Variants in DCAF6 observed in about 807,000 individuals in gnomAD.
DCAF6 encodes DDB1 and CUL4 associated factor 6, also known as DDB1- and CUL4-associated factor 6.
A neutral mutation model predicts 125.1 loss-of-function variants in DCAF6; 54 were observed. The ratio of observed to expected loss-of-function variants is 0.43; its 90% CI spans 0.35 to 0.54. DCAF6 has a LOEUF of 0.54. Among genes scored for constraint, DCAF6 ranks in the 20% least tolerant of loss-of-function variants. The pLI is 0.01. For synonymous variants in DCAF6, 371 were observed against 390.4 expected (o/e 0.95, Z 0.58); for missense variants, 934 against 1,161.7 (o/e 0.80, Z 2.85).
At chr1:168,026,553 G>GT (rs943738871) in intron 12 of DCAF6, among the ~76,000 whole-genome samples, 1 of 152,144 alleles carries the variant, frequency 6.6e-6, no homozygotes, top group Non-Finnish European at 1.5e-5. Flanking sequence ...TTTAAAAATA[G>GT]TTGAAAGGTT....
At chr1:167,903,830 A>G in the DCAF6 span, 3 of 1,292,834 alleles carry the variant, frequency 2.3e-6, no homozygotes, top group Middle Eastern at 1.8e-4. Context: ...ATTGACAACT[A>G]CGGAAAAAAC....
chr1:167,904,669 A>G, the DCAF6 span: 4 of 589,130 alleles, frequency 6.8e-6, no homozygotes, highest in African/African-American at 1.9e-5. Context: ...TCATTTCCTG[A>G]GGTCAATTTT....
chr1:168,015,349 T>C (rs1216006428), intron 10 of DCAF6, among the ~76,000 whole-genome samples: 2 of 152,114 alleles, frequency 1.3e-5, no homozygotes, highest in Non-Finnish European at 2.9e-5. Flanking sequence ...AATGCATAAG[T>C]TTTTATCCTT....
intron 17 of DCAF6, among the ~76,000 whole-genome samples, chr1:168,055,674 C>T (rs2101892744): frequency 9.5e-6 from 1 of 105,656 alleles, no homozygotes; most frequent in Non-Finnish European, 1.8e-5. Context: ...AACACTAGAG[C>T]CTAGTCTAAA....
chr1:167,936,653 G>A (rs1304808781), upstream of DCAF6: 4 of 414,774 alleles, frequency 9.6e-6, no homozygotes, highest in Admixed American at 1.8e-4. Context: ...GTTGGAGGGG[G>A]GCTGAGGGAG....
intron 21 of DCAF6, among the ~76,000 whole-genome samples, chr1:168,073,613 C>T (rs1001218844): frequency 3.9e-5 from 6 of 152,044 alleles, no homozygotes; most frequent in Non-Finnish European, 7.4e-5. Context: ...TCTCTATTAT[C>T]CCATCTTCTT....
chr1:167,951,182 CAGAG>C (rs1265725894), intron 1 of DCAF6, among the ~76,000 whole-genome samples: 3 of 152,164 alleles, frequency 2.0e-5, no homozygotes, highest in Admixed American at 2.0e-4. Flanking sequence ...TTACCTGACA[CAGAG>C]TGAGTACTCA....
intron 10 of DCAF6, among the ~76,000 whole-genome samples, chr1:168,009,397 T>TTCTC (rs1233290096): frequency 1.4e-5 from 2 of 140,536 alleles, no homozygotes; most frequent in African/African-American, 6.0e-5. Context: ...CTTTCTTTCT[T>TTCTC]TCTTTCTCTC....
At chr1:168,045,852 T>C (rs1425134314) in intron 16 of DCAF6, among the ~76,000 whole-genome samples, 1 of 152,144 alleles carries the variant, frequency 6.6e-6, no homozygotes, top group South Asian at 2.1e-4. Context: ...AATAAATTTT[T>C]AAAGTATACT....
intron 6 of DCAF6, among the ~76,000 whole-genome samples, 160 bp downstream of exon 6, chr1:167,991,499 A>C (rs1212168543): frequency 6.6e-6 from 1 of 152,242 alleles, no homozygotes; most frequent in Non-Finnish European, 1.5e-5. Context: ...CCAAGTGTTT[A>C]TGACCCTTTG....
At chr1:168,047,724 A>G (rs751863389) in intron 16 of DCAF6, among the ~76,000 whole-genome samples, 12 of 152,048 alleles carry the variant, frequency 7.9e-5, no homozygotes, top group Non-Finnish European at 1.3e-4. Flanking sequence ...GTATATATAT[A>G]TAAAAGATGT....
intron 12 of DCAF6, among the ~76,000 whole-genome samples, chr1:168,026,121 C>T (rs943665303): frequency 6.6e-6 from 1 of 152,166 alleles, no homozygotes; most frequent in Non-Finnish European, 1.5e-5. Context: ...TCTAGTAAGT[C>T]TCCTCTTTTT....
the DCAF6 span, among the ~76,000 whole-genome samples, chr1:167,886,570 TG>T: frequency 6.6e-6 from 1 of 152,162 alleles, no homozygotes; most frequent in African/African-American, 2.4e-5. Context: ...AAGACTTAAA[TG>T]TTAGACCTAA....
chr1:168,021,384 C>T (rs1458295321), intron 11 of DCAF6, among the ~76,000 whole-genome samples: 1 of 152,010 alleles, frequency 6.6e-6, no homozygotes, highest in Non-Finnish European at 1.5e-5. Flanking sequence ...CTGTGAGTCA[C>T]ATTTTTCTTG....
At chr1:168,039,681 TTAA>T (rs1022494252) in intron 13 of DCAF6, among the ~76,000 whole-genome samples, 3 of 147,416 alleles carry the variant, frequency 2.0e-5, no homozygotes, top group Non-Finnish European at 4.5e-5. Context: ...TATTAATATA[TTAA>T]TATATTAAAT....
At chr1:168,061,738 A>G (rs1456968562) in intron 17 of DCAF6, among the ~76,000 whole-genome samples, 1 of 152,178 alleles carries the variant, frequency 6.6e-6, no homozygotes, top group Admixed American at 6.5e-5. Flanking sequence ...GTCAAAGCTT[A>G]TATTACTTAA....
intron 7 of DCAF6, among the ~76,000 whole-genome samples, chr1:167,996,884 A>G (rs1308156363): frequency 6.6e-6 from 1 of 152,092 alleles, no homozygotes; most frequent in Admixed American, 6.6e-5. Context: ...GTGAAGCCCT[A>G]CTTCACCATC....
chr1:167,988,115 T>C (rs940648516), intron 5 of DCAF6, among the ~76,000 whole-genome samples: 3 of 152,100 alleles, frequency 2.0e-5, no homozygotes, highest in Non-Finnish European at 4.4e-5. Flanking sequence ...TTCCTAAAGA[T>C]AATATCTCTA....
intron 20 of DCAF6, among the ~76,000 whole-genome samples, chr1:168,067,057 C>G (rs1322645484): frequency 1.3e-5 from 2 of 152,112 alleles, no homozygotes; most frequent in Non-Finnish European, 2.9e-5. Flanking sequence ...AATAGGAAGG[C>G]ATTACTCTGG....
Sources: allele counts gnomAD v4.1 joint callset (sites outside exome capture counted in the v4.1 genomes callset), GRCh38; gene constraint gnomAD v4.1.1; transcripts MANE v1.5; gene names NCBI Gene and HGNC (gene_info 2026-07-23, HGNC 2026-07-21).